EPB41: variants seen among roughly 807,000 people sequenced by gnomAD.
EPB41 encodes erythrocyte membrane protein band 4.1.
EPB41 carries 65 observed loss-of-function variants against 108.0 expected under a neutral mutation model. The ratio of observed to expected loss-of-function variants is 0.60; its 90% CI spans 0.49 to 0.74. The LOEUF (loss-of-function observed/expected upper bound fraction) is 0.74, where lower values mean the gene tolerates loss of function less well. Among genes scored for constraint, EPB41 ranks in the 30% least tolerant of loss-of-function variants. EPB41 has a pLI of 0.00. For missense variants in EPB41, 875 were observed against 1,037.0 expected (o/e 0.84, Z 2.15); for synonymous variants, 336 against 358.9 (o/e 0.94, Z 0.72).
intron 1 of EPB41, among the ~76,000 whole-genome samples, chr1:28,971,180 C>CTTTTTTTTTTTTTTTTTTTTTTTTTTT (rs1000130058): frequency 3.0e-5 from 2 of 66,324 alleles, no homozygotes; most frequent in Non-Finnish European, 5.1e-5. Context: ...TTCTTTCTTT[C>CTTTTTTTTTTTTTTTTTTTTTTTTTTT]TTTTTTTTTT....
chr1:29,100,571 GT>G (rs1664971477), intron 17 of EPB41, among the ~76,000 whole-genome samples: 1 of 147,806 alleles, frequency 6.8e-6, no homozygotes, highest in African/African-American at 2.5e-5. Flanking sequence ...GGGAGGATCT[GT>G]TGAGACCAGT....
chr1:28,958,852 G>C (rs78944689), intron 1 of EPB41, among the ~76,000 whole-genome samples: 1 of 147,384 alleles, frequency 6.8e-6, no homozygotes, highest in Admixed American at 6.8e-5. Flanking sequence ...AAAGAAAAAA[G>C]AGAATAATGA....
chr1:28,925,871 C>T (rs887455530), intron 1 of EPB41, among the ~76,000 whole-genome samples: 5 of 152,010 alleles, frequency 3.3e-5, no homozygotes, highest in South Asian at 2.1e-4. Context: ...AGGAATGGCA[C>T]GATCCTTCAT....
intron 4 of EPB41, among the ~76,000 whole-genome samples, chr1:28,998,410 G>C (rs1310713769): frequency 6.6e-6 from 1 of 152,134 alleles, no homozygotes; most frequent in African/African-American, 2.4e-5. Flanking sequence ...ATCGTGGAGA[G>C]AGTCTTGTAG....
At chr1:29,036,359 A>G (rs922684377) in intron 10 of EPB41, among the ~76,000 whole-genome samples, 1 of 148,246 alleles carries the variant, frequency 6.7e-6, no homozygotes, top group African/African-American at 2.5e-5. Flanking sequence ...TCCCGGGTTC[A>G]AGTGATTCTC....
At chr1:28,994,326 C>G (rs1228059149) in intron 3 of EPB41, among the ~76,000 whole-genome samples, 1 of 152,020 alleles carries the variant, frequency 6.6e-6, no homozygotes, top group Non-Finnish European at 1.5e-5. Flanking sequence ...CACCCGCCAC[C>G]ACGCCTGGCT....
chr1:28,946,511 T>C (rs765903724), intron 1 of EPB41, among the ~76,000 whole-genome samples: 1 of 152,248 alleles, frequency 6.6e-6, no homozygotes, highest in Non-Finnish European at 1.5e-5. Flanking sequence ...CTAGACATAA[T>C]GTGACAATTT....
chr1:29,039,355 C>T lies in EPB41; in HGVS notation c.1565C>T (p.Ala522Val). ...RTQAQTRQAS[A>V]LIDRPAPHFE... ...CAAGCTCAGACCAGGCAAGCTAGTG[C>T]TCTAATTGACAGGCCTGCCCCACAC... is the stretch of plus-strand genomic sequence containing the variant. The change falls in exon 11 of 21, where the codon GCT (alanine) becomes GTT (valine). Residue 522 changes from alanine (A) to valine (V), a missense_variant. By Grantham distance (64) the Ala-to-Val change is moderately conservative (BLOSUM62 0). This residue lies in a region of EPB41 where 519 missense variants were observed against 627.3 expected (regional missense o/e 0.83). Coordinates refer to ENST00000343067, the MANE Select transcript of EPB41 (RefSeq NM_001376013.1). The T allele has an allele frequency of 1.2e-6, 2 of 1,614,152 alleles. No homozygotes were observed. Among genetic ancestry groups the T allele is most frequent in the Non-Finnish European group, 1.7e-6 (2 of 1,180,028 alleles).
chr1:28,935,954 G>C (rs1286921781), intron 1 of EPB41, among the ~76,000 whole-genome samples: 1 of 150,458 alleles, frequency 6.6e-6, no homozygotes, highest in Non-Finnish European at 1.5e-5. Context: ...GTTTATTATT[G>C]CTTATCTGAT....
intron 1 of EPB41, among the ~76,000 whole-genome samples, chr1:28,934,127 T>G (rs1176128116): frequency 6.6e-6 from 1 of 152,120 alleles, no homozygotes; most frequent in Non-Finnish European, 1.5e-5. Flanking sequence ...ATCTTGACAG[T>G]TTTGAGGGTT....
At chr1:28,888,863 G>A (rs1039524958) in intron 1 of EPB41, among the ~76,000 whole-genome samples, 2 of 152,164 alleles carry the variant, frequency 1.3e-5, no homozygotes, top group African/African-American at 4.8e-5. Flanking sequence ...TCCTGACCTC[G>A]TGATCCACCC....
chr1:28,968,782 G>C (rs1274666715), intron 1 of EPB41, among the ~76,000 whole-genome samples: 1 of 151,990 alleles, frequency 6.6e-6, no homozygotes, highest in Non-Finnish European at 1.5e-5. Flanking sequence ...TGGCCAACAT[G>C]GTGAGACCCC....
chr1:28,987,902 A>G lies in EPB41; in HGVS notation c.465A>G (p.Thr155=), dbSNP rs767667572. ...LDLHSLSSAE[T]QPAQEELRED... ...TTCATTCATTAAGCAGTGCAGAAAC[A>G]CAGGTAAGGATGTGTGGATATGGGA... The change falls in exon 2 of 21, where the codon ACA becomes ACG. Residue 155 remains threonine (T), a synonymous_variant. Transcript: ENST00000343067. 2 of 1,614,110 alleles carry G rather than the reference A, an allele frequency of 1.2e-6. No individual in the cohort carries two copies. Among genetic ancestry groups the G allele is most frequent in the South Asian group, 1.1e-5 (1 of 91,088 alleles).
chr1:28,977,258 A>G lies in EPB41; in HGVS notation c.-7-10173A>G, dbSNP rs559787242. Among the ~76,000 whole-genome samples the G allele has an allele frequency of 2.5e-4, 38 of 152,300 alleles. No homozygotes were observed. The Middle Eastern group carries it at 0.01, about 41-fold the overall frequency. On this transcript the variant is annotated intron_variant, in intron 1 of 20. Transcript: ENST00000343067. ...GGTGATTATAAAGGAAATTTTATTAATGCTGCCAAACTGCAATGTTTTTGT... is the reference window on the plus strand; with the variant it reads ...GGTGATTATAAAGGAAATTTTATTAGTGCTGCCAAACTGCAATGTTTTTGT...
chr1:28,944,058 CA>C (rs1450482762), intron 1 of EPB41, among the ~76,000 whole-genome samples: 1 of 152,088 alleles, frequency 6.6e-6, no homozygotes, highest in Non-Finnish European at 1.5e-5. Context: ...TTATTTGCAA[CA>C]ATATGGATGG....
chr1:29,070,452 A>G, intron 16 of EPB41: 1 of 1,232,160 alleles, frequency 8.1e-7, no homozygotes, highest in Non-Finnish European at 1.0e-6. Context: ...CAGCAAGAAA[A>G]TGAAGAAATT....
intron 11 of EPB41, among the ~76,000 whole-genome samples, chr1:29,048,742 T>C (rs1418133311): frequency 6.6e-6 from 1 of 152,218 alleles, no homozygotes; most frequent in African/African-American, 2.4e-5. Flanking sequence ...GAATAAAAGT[T>C]AATAGTCAAT....
At chr1:28,976,519 T>G (rs2095611367) in intron 1 of EPB41, among the ~76,000 whole-genome samples, 1 of 152,142 alleles carries the variant, frequency 6.6e-6, no homozygotes, top group South Asian at 2.1e-4. Context: ...CATACTTGGC[T>G]AATTTTTTAT....
intron 1 of EPB41, among the ~76,000 whole-genome samples, chr1:28,902,571 AG>A (rs147457244): frequency 1.4e-3 from 210 of 152,268 alleles, no homozygotes; most frequent in African/African-American, 5.0e-3. Context: ...AGGGGCACAT[AG>A]GTCACCAGCT....
Sources: gnomAD v4.1 joint callset for allele counts (sites outside exome capture counted in the v4.1 genomes callset) on GRCh38, gnomAD v4.1.1 for gene constraint, gnomAD v4.1.1 regional missense constraint, MANE v1.5 for transcripts, NCBI Gene and HGNC (gene_info 2026-07-23, HGNC 2026-07-21) for gene names.